The following IGSF10 variants were observed in gnomAD, a reference collection of about 807,000 sequenced individuals.
IGSF10 encodes immunoglobulin superfamily member 10.
A neutral mutation model predicts 128.2 loss-of-function variants in IGSF10; 126 were observed. That is an observed-to-expected ratio of 0.98 (90% CI 0.85 to 1.14). IGSF10 has a LOEUF of 1.14. Ranked by LOEUF, IGSF10 falls within the 50% of genes most tolerant of loss-of-function variation. The probability of loss-of-function intolerance (pLI) is 0.00; values close to 1 mark genes in which losing one functional copy is unlikely to be tolerated. For missense variants in IGSF10, 3,295 were observed against 3,149.8 expected (o/e 1.05, Z -1.10); for synonymous variants, 1,185 against 1,146.2 (o/e 1.03, Z -0.68).
chr3:151,564,896 A>G, the IGSF10 span, among the ~76,000 whole-genome samples: 2 of 152,184 alleles, frequency 1.3e-5, no homozygotes, highest in Non-Finnish European at 2.9e-5. Context: ...TAATGGTTAA[A>G]TGTTCATTGA....
At position 151,445,227 on chromosome 3, in the gene IGSF10, T is replaced by C. The variant is rs779411613; in HGVS notation, c.4754A>G (p.Glu1585Gly). The C allele has an allele frequency of 1.2e-6, 2 of 1,614,242 alleles. No homozygotes were observed. The highest frequency in any genetic ancestry group is 8.5e-7 in the Non-Finnish European group (1 of 1,180,030). ...FWHKPYSEIA[E>G]KGKKPEVSML... Reference sequence around the variant, plus strand: ...GCTTACTTCTGGCTTTTTGCCTTTTTCAGCAATTTCTGAGTATGGTTTGTG... The same window carrying C: ...GCTTACTTCTGGCTTTTTGCCTTTTCCAGCAATTTCTGAGTATGGTTTGTG... Residue 1585 changes from glutamate (E) to glycine (G), a missense_variant, in exon 6 of 8, where the codon GAA becomes GGA. Transcript: ENST00000282466.
At chr3:151,585,155 G>A in the IGSF10 span, among the ~76,000 whole-genome samples, 1 of 152,048 alleles carries the variant, frequency 6.6e-6, no homozygotes, top group African/African-American at 2.4e-5. Context: ...GTTGAGATTT[G>A]CTGTTAATAT....
chr3:151,457,149 G>A lies in IGSF10; in HGVS notation c.201C>T (p.Asn67=). ...CTGTTTCCATCAATCTAACCAAGCT[G>A]TTGTATCTGAAATAAAAAATGACAT... The part of the protein sequence containing the change: ...PNVERINLGY[N]SLVRLMETDF... Residue 67 remains asparagine, a synonymous_variant, in exon 4 of 8, where the codon AAC becomes AAT. Transcript: ENST00000282466. 1 of 1,614,034 alleles carries A rather than the reference G, an allele frequency of 6.2e-7. No individual in the cohort carries two copies. Among genetic ancestry groups the A allele is most frequent in the Non-Finnish European group, 8.5e-7 (1 of 1,179,968 alleles).
chr3:151,494,002 G>GA, the IGSF10 span, among the ~76,000 whole-genome samples: 3 of 151,152 alleles, frequency 2.0e-5, no homozygotes, highest in East Asian at 1.9e-4. Context: ...GCATTGTAAA[G>GA]AAAAAAAACA....
chr3:151,524,367 T>C, the IGSF10 span, among the ~76,000 whole-genome samples: 1 of 152,030 alleles, frequency 6.6e-6, no homozygotes, highest in Non-Finnish European at 1.5e-5. Flanking sequence ...AGCAAAGACA[T>C]GGAATCAACC....
chr3:151,465,340 G>A (rs144711856), upstream of IGSF10, among the ~76,000 whole-genome samples: 303 of 152,320 alleles, frequency 2.0e-3, 2 homozygotes, highest in African/African-American at 6.8e-3. Flanking sequence ...AATGACCATT[G>A]TTGTTGTCAA....
chr3:151,473,388 G>T, the IGSF10 span, among the ~76,000 whole-genome samples: 196 of 152,222 alleles, frequency 1.3e-3, no homozygotes, highest in African/African-American at 4.4e-3. Flanking sequence ...ACTGCTATTT[G>T]CTTTCCTACG....
the IGSF10 span, among the ~76,000 whole-genome samples, chr3:151,588,861 C>A: frequency 6.6e-6 from 1 of 152,066 alleles, no homozygotes; most frequent in Admixed American, 6.5e-5. Flanking sequence ...ATAGGGAGTG[C>A]CAGGGCTTGC....
the IGSF10 span, among the ~76,000 whole-genome samples, chr3:151,533,216 G>A: frequency 9.9e-5 from 15 of 152,154 alleles, no homozygotes; most frequent in Admixed American, 2.0e-4. Context: ...AATCAAAATC[G>A]TGAAAATGGC....
the IGSF10 span, among the ~76,000 whole-genome samples, chr3:151,508,522 C>T: frequency 6.6e-6 from 1 of 152,068 alleles, no homozygotes; most frequent in Non-Finnish European, 1.5e-5. Flanking sequence ...GAAACTGAGT[C>T]TCCTTTATCA....
chr3:151,457,580 G>A (rs762738596), intron 3 of IGSF10, among the ~76,000 whole-genome samples: 1 of 152,100 alleles, frequency 6.6e-6, no homozygotes, highest in Non-Finnish European at 1.5e-5. Flanking sequence ...GCCAGGCTTG[G>A]GCGTCTCGTT....
At chr3:151,534,311 C>A in the IGSF10 span, among the ~76,000 whole-genome samples, 1 of 152,142 alleles carries the variant, frequency 6.6e-6, no homozygotes, top group Non-Finnish European at 1.5e-5. Flanking sequence ...TGGGTATATA[C>A]CCAAAGGATT....
the IGSF10 span, among the ~76,000 whole-genome samples, chr3:151,552,122 C>A: frequency 6.6e-6 from 1 of 152,012 alleles, no homozygotes; most frequent in Non-Finnish European, 1.5e-5. Context: ...CTCATAAGAC[C>A]TTGTTGTTAA....
the IGSF10 span, among the ~76,000 whole-genome samples, chr3:151,516,199 A>G: frequency 2.0e-5 from 3 of 152,002 alleles, no homozygotes; most frequent in Non-Finnish European, 4.4e-5. Context: ...TATTCTTAGA[A>G]CTGTACACCC....
At chr3:151,478,899 C>T in the IGSF10 span, among the ~76,000 whole-genome samples, 2 of 152,264 alleles carry the variant, frequency 1.3e-5, no homozygotes, top group South Asian at 4.1e-4. Flanking sequence ...GATGTATGCT[C>T]AGAGAACATT....
At chr3:151,531,086 C>CA in the IGSF10 span, among the ~76,000 whole-genome samples, 1 of 152,030 alleles carries the variant, frequency 6.6e-6, no homozygotes, top group African/African-American at 2.4e-5. Flanking sequence ...TTGAAAGAGA[C>CA]AAAGAAGGGC....
the IGSF10 span, among the ~76,000 whole-genome samples, chr3:151,521,518 C>T: frequency 6.6e-6 from 1 of 151,952 alleles, no homozygotes; most frequent in Non-Finnish European, 1.5e-5. Flanking sequence ...CACTCTCAGA[C>T]CCCAGTGCAA....
intron 4 of IGSF10, among the ~76,000 whole-genome samples, chr3:151,455,992 T>G (rs554286538): frequency 6.6e-6 from 1 of 152,330 alleles, no homozygotes; most frequent in Admixed American, 6.5e-5. Context: ...AAAATATAAG[T>G]TGGCAACATA....
chr3:151,562,446 A>G, the IGSF10 span, among the ~76,000 whole-genome samples: 42 of 151,922 alleles, frequency 2.8e-4, no homozygotes, highest in Non-Finnish European at 8.8e-5. Context: ...ACTTAACCCT[A>G]TGGATTCACC....
Sources: allele counts gnomAD v4.1 joint callset (sites outside exome capture counted in the v4.1 genomes callset), GRCh38; gene constraint gnomAD v4.1.1; transcripts MANE v1.5; gene names NCBI Gene and HGNC (gene_info 2026-07-23, HGNC 2026-07-21).